ADAM32: variants seen among roughly 807,000 people sequenced by gnomAD.
ADAM32 encodes disintegrin and metalloproteinase domain-containing protein 32.
A neutral mutation model predicts 114.9 loss-of-function variants in ADAM32; 89 were observed. That is an observed-to-expected ratio of 0.77 (90% CI 0.65 to 0.92). The LOEUF is 0.92. ADAM32 is among the 40% of genes least tolerant of loss of function. The pLI is 0.00. For missense variants in ADAM32, 870 were observed against 932.8 expected (o/e 0.93, Z 0.88); for synonymous variants, 285 against 307.5 (o/e 0.93, Z 0.77).
At position 39,196,387 on chromosome 8, in the gene ADAM32, T is replaced by G. The variant is rs183968703; in HGVS notation, c.1052+9342T>G. ...TCAGTACTATGTTGGTTAAAAGTGG[T>G]GAAAGTGGTATTCTTGTCTTGTGCC... is the stretch of plus-strand genomic sequence containing the variant. On this transcript the variant is annotated intron_variant, in intron 11 of 24. Coordinates refer to ENST00000379907, the MANE Select transcript of ADAM32 (RefSeq NM_145004.7). 5.5e-4 allele frequency among the ~76,000 whole-genome samples: 83 copies of G among 152,266 alleles called. No individual in the cohort carries two copies. The East Asian group carries it at 0.012, about 22-fold the overall frequency.
intron 12 of ADAM32, among the ~76,000 whole-genome samples, chr8:39,212,989 T>C (rs1281623821): frequency 6.6e-6 from 1 of 152,166 alleles, no homozygotes; most frequent in Non-Finnish European, 1.5e-5. Context: ...ACTTTAATGA[T>C]GTTGAGCATG....
At chr8:39,146,054 C>A (rs1349357619) in intron 3 of ADAM32, among the ~76,000 whole-genome samples, 1 of 152,100 alleles carries the variant, frequency 6.6e-6, no homozygotes, top group African/African-American at 2.4e-5. Flanking sequence ...TTTTACTTGA[C>A]ATAATACTGT....
At chr8:39,112,215 G>A (rs1309076523) in intron 1 of ADAM32, among the ~76,000 whole-genome samples, 1 of 152,098 alleles carries the variant, frequency 6.6e-6, no homozygotes, top group African/African-American at 2.4e-5. Flanking sequence ...ATGTGTAAAT[G>A]TAGACATATA....
intron 1 of ADAM32, among the ~76,000 whole-genome samples, chr8:39,109,294 C>T (rs1389943072): frequency 6.6e-6 from 1 of 152,174 alleles, no homozygotes; most frequent in Non-Finnish European, 1.5e-5. Flanking sequence ...GTAATCCCAG[C>T]ACTTTGGGAG....
chr8:39,209,160 G>T (rs1371705814), intron 11 of ADAM32, among the ~76,000 whole-genome samples: 3 of 152,002 alleles, frequency 2.0e-5, no homozygotes, highest in African/African-American at 7.2e-5. Context: ...AGTGTTATTT[G>T]TTCTTTTAAA....
intron 11 of ADAM32, among the ~76,000 whole-genome samples, chr8:39,196,324 C>T (rs527335477): frequency 6.6e-6 from 1 of 152,128 alleles, no homozygotes; most frequent in South Asian, 2.1e-4. Context: ...GTTTGGATGC[C>T]TTTTATTTCT....
chr8:39,240,918 C>T (rs1585622521), intron 16 of ADAM32, among the ~76,000 whole-genome samples: 2 of 152,178 alleles, frequency 1.3e-5, no homozygotes, highest in Non-Finnish European at 2.9e-5. Flanking sequence ...CTCATTTCAA[C>T]ATAAACTCAA....
intron 19 of ADAM32, among the ~76,000 whole-genome samples, chr8:39,262,820 C>T (rs1307706122): frequency 6.6e-6 from 1 of 152,114 alleles, no homozygotes; most frequent in Non-Finnish European, 1.5e-5. Context: ...ATTCTTGGGC[C>T]TCAGCCTCCA....
intron 6 of ADAM32, among the ~76,000 whole-genome samples, chr8:39,155,850 ATTTTC>A (rs1490635556): frequency 2.0e-5 from 3 of 150,494 alleles, no homozygotes; most frequent in Admixed American, 6.6e-5. Context: ...AATTTTGATT[ATTTTC>A]TTAGTGGTTA....
At chr8:39,249,308 A>T (rs1811140543) in intron 17 of ADAM32, among the ~76,000 whole-genome samples, 1 of 152,082 alleles carries the variant, frequency 6.6e-6, no homozygotes, top group South Asian at 2.1e-4. Flanking sequence ...ACATCAGCTA[A>T]TTTTCTAATG....
At chr8:39,263,200 T>C (rs926882132) in intron 19 of ADAM32, among the ~76,000 whole-genome samples, 3 of 152,198 alleles carry the variant, frequency 2.0e-5, no homozygotes, top group Non-Finnish European at 4.4e-5. Context: ...TGTTCAATAT[T>C]AATTATAGGT....
Position 39,152,434 on chromosome 8 carries a change from A to T in ADAM32, c.525+886A>T, listed in dbSNP as rs149035814. On this transcript the variant is annotated intron_variant, in intron 6 of 24. Transcript: ENST00000379907. ...CTGTTTTCTGTCAGTAAAGAAAAAA[A>T]TACCAGGCCAGGCATGGTGGCTCAC... is the stretch of plus-strand genomic sequence containing the variant. Among the ~76,000 whole-genome samples, 4 of 152,322 alleles carry T rather than the reference A, an allele frequency of 2.6e-5. No individual in the cohort carries two copies. In the East Asian group the frequency reaches 7.7e-4, roughly 29 times the overall value.
chr8:39,266,254 G>A (rs576135425), intron 19 of ADAM32, among the ~76,000 whole-genome samples: 8 of 152,172 alleles, frequency 5.3e-5, no homozygotes, highest in African/African-American at 1.9e-4. Context: ...TCTCCAATAT[G>A]TTTTCCAATT....
intron 14 of ADAM32, among the ~76,000 whole-genome samples, chr8:39,226,052 A>T (rs1008766779): frequency 1.8e-4 from 27 of 152,000 alleles, no homozygotes; most frequent in Admixed American, 3.3e-4. Context: ...CATTTTTATA[A>T]AAAAAAATCA....
At chr8:39,209,471 G>A (rs1280797256) in intron 11 of ADAM32, among the ~76,000 whole-genome samples, 1 of 151,954 alleles carries the variant, frequency 6.6e-6, no homozygotes, top group African/African-American at 2.4e-5. Flanking sequence ...TCCAGGTTTG[G>A]TTACTGGTGC....
rs148571785 is a variant in ADAM32 at position 39,241,839 on chromosome 8, C to A, written c.1819-4244C>A. On this transcript the variant is annotated intron_variant, in intron 16 of 24. Coordinates refer to ENST00000379907, the MANE Select transcript of ADAM32 (RefSeq NM_145004.7). ...GTGATTAACATTTGGGTCCCCATTA[C>A]TCATGTAAGTTTCTGTAGCTGGCTT... Among the ~76,000 whole-genome samples, 1,107 of 152,340 alleles carry A rather than the reference C, an allele frequency of 7.3e-3. 9 individuals are homozygous for A. Among genetic ancestry groups the A allele is most frequent in the African/African-American group, 0.025 (1,051 of 41,574 alleles).
chr8:39,263,151 T>C (rs2129450969), intron 19 of ADAM32, among the ~76,000 whole-genome samples: 1 of 152,338 alleles, frequency 6.6e-6, no homozygotes, highest in South Asian at 2.1e-4. Context: ...CTACATGTAA[T>C]AATCTGTTTG....
chr8:39,178,906 C>T (rs1361874918), intron 10 of ADAM32, among the ~76,000 whole-genome samples: 1 of 152,158 alleles, frequency 6.6e-6, no homozygotes, highest in Non-Finnish European at 1.5e-5. Flanking sequence ...GCTTCTTCCT[C>T]TGTGAGCTCC....
intron 17 of ADAM32, among the ~76,000 whole-genome samples, chr8:39,254,087 C>G (rs1026455669): frequency 1.3e-5 from 2 of 151,572 alleles, no homozygotes; most frequent in Non-Finnish European, 3.0e-5. Flanking sequence ...TATGCTGGCT[C>G]CAGCATGTCA....
Sources: allele counts gnomAD v4.1 joint callset (sites outside exome capture counted in the v4.1 genomes callset), GRCh38; gene constraint gnomAD v4.1.1; transcripts MANE v1.5; gene names NCBI Gene and HGNC (gene_info 2026-07-23, HGNC 2026-07-21).